Variants in GALNT7 observed in about 807,000 individuals in gnomAD.
GALNT7 encodes polypeptide N-acetylgalactosaminyltransferase 7.
In GALNT7, 60 loss-of-function variants were observed where a neutral mutation model predicts 82.1. The ratio of observed to expected loss-of-function variants is 0.73; its 90% CI spans 0.59 to 0.91. The LOEUF is 0.91. GALNT7 is among the 40% of genes least tolerant of loss of function. The pLI is 0.00. For synonymous variants in GALNT7, 243 were observed against 275.1 expected, an observed-to-expected ratio of 0.88 and a Z score of 1.15; for missense variants, 660 against 804.2, an observed-to-expected ratio of 0.82 and a Z score of 2.17.
intron 9 of GALNT7, 23 bp downstream of exon 9, chr4:173,314,199 G>C (rs764548993): frequency 2.3e-5 from 32 of 1,401,144 alleles, no homozygotes; most frequent in Non-Finnish European, 3.1e-5. Flanking sequence ...ATCTCAAAAT[G>C]TATGTGTTTG....
chr4:173,288,375 G>C (rs1736416478), intron 2 of GALNT7, among the ~76,000 whole-genome samples: 1 of 151,762 alleles, frequency 6.6e-6, no homozygotes, highest in Non-Finnish European at 1.5e-5. Flanking sequence ...TTTACAGATG[G>C]GTCATGGAGC....
intron 1 of GALNT7, among the ~76,000 whole-genome samples, chr4:173,184,004 C>A (rs1051504617): frequency 1.6e-4 from 24 of 145,992 alleles, no homozygotes; most frequent in Non-Finnish European, 3.6e-4. Flanking sequence ...TCAGACGGGT[C>A]GGTGGGGCAG....
intron 1 of GALNT7, among the ~76,000 whole-genome samples, chr4:173,235,440 A>C (rs1288569257): frequency 6.6e-6 from 1 of 152,190 alleles, no homozygotes; most frequent in Non-Finnish European, 1.5e-5. Flanking sequence ...CACTTTGCAC[A>C]ACACGTTCTC....
chr4:173,235,554 TTC>T (rs1310536776), intron 1 of GALNT7, among the ~76,000 whole-genome samples: 3 of 42,040 alleles, frequency 7.1e-5, no homozygotes, highest in African/African-American at 1.3e-4. Flanking sequence ...TTCTTTTCTT[TTC>T]TTTTTTTTTT....
At chr4:173,291,894 TA>T (rs959680824) in intron 2 of GALNT7, among the ~76,000 whole-genome samples, 1 of 152,084 alleles carries the variant, frequency 6.6e-6, no homozygotes, top group Non-Finnish European at 1.5e-5. Context: ...ACAGAATAAG[TA>T]TTGGTTATGC....
At chr4:173,295,608 T>TTTC (rs1736694061) in intron 4 of GALNT7, 82 bp downstream of exon 4, 1 of 1,403,064 alleles carries the variant, frequency 7.1e-7, no homozygotes, top group Admixed American at 1.8e-5. Flanking sequence ...TTCTTCAGTT[T>TTTC]TTTTAATTGA....
At chr4:173,172,985 G>A (rs1731923783) in intron 1 of GALNT7, among the ~76,000 whole-genome samples, 2 of 152,126 alleles carry the variant, frequency 1.3e-5, no homozygotes, top group African/African-American at 2.4e-5. Flanking sequence ...TATAGAACAG[G>A]TAGCAGGAGT....
rs371943165 is a variant in GALNT7, at chr4:173,301,452, G to A, written c.1149-595G>A. Among the ~76,000 whole-genome samples, 121 of 152,186 alleles carry A rather than the reference G, an allele frequency of 8.0e-4. 8 individuals carry two copies. In the South Asian group the frequency reaches 0.025, roughly 32 times the overall value. The stretch of plus-strand genomic sequence containing the variant: ...TTCAAGAAGCCCCACAGATACACAG[G>A]TCACCCTTTTGCATTCCTACCTCCT... On this transcript the variant is annotated intron_variant, in intron 6 of 11. Transcript: ENST00000265000.
intron 1 of GALNT7, among the ~76,000 whole-genome samples, chr4:173,199,596 A>T (rs1014810649): frequency 6.6e-6 from 1 of 152,166 alleles, no homozygotes; most frequent in Non-Finnish European, 1.5e-5. Context: ...TGCCCATCAG[A>T]GTCTTACACA....
chr4:173,219,453 T>C (rs1326521256), intron 1 of GALNT7, among the ~76,000 whole-genome samples: 3 of 152,186 alleles, frequency 2.0e-5, no homozygotes, highest in Admixed American at 2.0e-4. Context: ...CTGCTATAAA[T>C]ATGTGTGCAG....
chr4:173,260,539 T>C (rs746696819), intron 2 of GALNT7, among the ~76,000 whole-genome samples: 9 of 152,326 alleles, frequency 5.9e-5, no homozygotes, highest in Admixed American at 6.5e-5. Flanking sequence ...ATTGATCTTT[T>C]AAGAAATGTA....
chr4:173,308,024 A>G (rs1737224361), intron 8 of GALNT7, among the ~76,000 whole-genome samples: 1 of 152,202 alleles, frequency 6.6e-6, no homozygotes, highest in Non-Finnish European at 1.5e-5. Flanking sequence ...CATGGCCGAT[A>G]CCAATAGCAT....
intron 2 of GALNT7, among the ~76,000 whole-genome samples, chr4:173,248,648 G>A (rs1734747417): frequency 6.6e-6 from 1 of 152,072 alleles, no homozygotes; most frequent in African/African-American, 2.4e-5. Flanking sequence ...AAAATTCTGG[G>A]GCCCTCTACG....
At chr4:173,219,979 A>C (rs937659026) in intron 1 of GALNT7, among the ~76,000 whole-genome samples, 1 of 152,216 alleles carries the variant, frequency 6.6e-6, no homozygotes, top group African/African-American at 2.4e-5. Context: ...TTTGCTGTGC[A>C]GAAGCTTTTT....
intron 2 of GALNT7, among the ~76,000 whole-genome samples, chr4:173,277,300 T>A (rs1187016513): frequency 6.6e-6 from 1 of 152,150 alleles, no homozygotes; most frequent in African/African-American, 2.4e-5. Context: ...TGTGGGAGAC[T>A]CGGAAGTACA....
At chr4:173,264,435 G>A (rs60050553) in intron 2 of GALNT7, among the ~76,000 whole-genome samples, 5,778 of 152,194 alleles carry the variant, frequency 0.038, 332 homozygotes, top group African/African-American at 0.12. Flanking sequence ...GTCCCAATAC[G>A]GTGTGAGTTC....
chr4:173,200,285 CAGAG>C (rs1348397494), intron 1 of GALNT7, among the ~76,000 whole-genome samples: 1 of 152,260 alleles, frequency 6.6e-6, no homozygotes, highest in South Asian at 2.1e-4. Context: ...ATTTCCATTA[CAGAG>C]AGTCACATTT....
In GALNT7 at chr4:173,322,820, T is replaced by C. The variant is rs1737870039; in HGVS notation, c.*1103T>C. Reference sequence around the variant, plus strand: ...AGTGAACTGATGTTTCATTTATATTTTCATCCAAATGACATTATCTGCACG... The same window carrying C: ...AGTGAACTGATGTTTCATTTATATTCTCATCCAAATGACATTATCTGCACG... On this transcript the variant is annotated 3_prime_UTR_variant, in exon 12 of 12. Transcript: ENST00000265000. The C allele has an allele frequency of 6.6e-6, 1 of 152,174 alleles. No homozygotes were observed. Among genetic ancestry groups the C allele is most frequent in the Admixed American group, 6.5e-5 (1 of 15,270 alleles). The allele number at this position is 152,174 out of a possible 1,614,324, so 9.4% of individuals were successfully genotyped here. A position where few individuals can be genotyped will look rare whatever the true frequency, so the allele number is the denominator to read the frequency against.
At chr4:173,238,578 C>G (rs1041062288) in intron 1 of GALNT7, among the ~76,000 whole-genome samples, 26 of 152,146 alleles carry the variant, frequency 1.7e-4, no homozygotes, top group African/African-American at 6.3e-4. Flanking sequence ...TTGACAAATG[C>G]AGTTTTATCA....
Sources: gnomAD v4.1 joint callset for allele counts (sites outside exome capture counted in the v4.1 genomes callset) on GRCh38, gnomAD v4.1.1 for gene constraint, MANE v1.5 for transcripts, NCBI Gene and HGNC (gene_info 2026-07-23, HGNC 2026-07-21) for gene names.